Variants in ZC3H11A observed in about 807,000 individuals in gnomAD.
ZC3H11A encodes the protein zinc finger CCCH domain-containing protein 11A.
ZC3H11A carries 22 observed loss-of-function variants against 90.8 expected under a neutral mutation model. The ratio of observed to expected loss-of-function variants is 0.24; its 90% CI spans 0.17 to 0.35. ZC3H11A has a LOEUF of 0.35. ZC3H11A is among the 10% of genes least tolerant of loss of function. The probability of loss-of-function intolerance (pLI) is 1.00; values close to 1 mark genes in which losing one functional copy is unlikely to be tolerated. For missense variants in ZC3H11A, 701 were observed against 964.9 expected (o/e 0.73, Z 3.62); for synonymous variants, 294 against 339.8 (o/e 0.87, Z 1.48).
chr1:203,843,859 TTTC>T (rs1049246045), intron 12 of ZC3H11A, among the ~76,000 whole-genome samples: 1 of 152,108 alleles, frequency 6.6e-6, no homozygotes, highest in Non-Finnish European at 1.5e-5. Context: ...CGGCCTGGGA[TTTC>T]TTCTTTTTTT....
At chr1:203,799,795 T>C in intron 1 of ZC3H11A, 1 of 1,226,124 alleles carries the variant, frequency 8.2e-7, no homozygotes, top group Non-Finnish European at 1.2e-6. Flanking sequence ...CTAAGTGCCA[T>C]GCTTAAATCC....
At chr1:203,833,258 C>T (rs1380201054) in intron 9 of ZC3H11A, among the ~76,000 whole-genome samples, 1 of 151,628 alleles carries the variant, frequency 6.6e-6, no homozygotes, top group Non-Finnish European at 1.5e-5. Flanking sequence ...ATCCCAGCTA[C>T]TCAGGCTGAG....
At chr1:203,809,172 G>GTTTTTTT (rs33926996) in intron 2 of ZC3H11A, among the ~76,000 whole-genome samples, 33 of 83,254 alleles carry the variant, frequency 4.0e-4, no homozygotes, top group East Asian at 1.6e-3. Context: ...TCTTCTCACT[G>GTTTTTTT]TTTTTTTTTT....
chr1:203,840,561 A>G (rs1218609283), intron 12 of ZC3H11A, among the ~76,000 whole-genome samples, 187 bp downstream of exon 12: 3 of 151,970 alleles, frequency 2.0e-5, no homozygotes, highest in Non-Finnish European at 4.4e-5. Context: ...TTTTGTGCTT[A>G]GAGATGGTAA....
intron 9 of ZC3H11A, among the ~76,000 whole-genome samples, chr1:203,833,331 C>T (rs1683030958): frequency 6.9e-6 from 1 of 144,394 alleles, no homozygotes; most frequent in South Asian, 2.2e-4. Flanking sequence ...GGCCACTGCA[C>T]TCTAGCCTGG....
chr1:203,809,888 A>G (rs997249776), intron 2 of ZC3H11A, among the ~76,000 whole-genome samples: 1 of 152,140 alleles, frequency 6.6e-6, no homozygotes, highest in African/African-American at 2.4e-5. Flanking sequence ...CAGGAGGTGG[A>G]GGTTGCAGTA....
At chr1:203,808,362 T>C (rs71643053) in intron 2 of ZC3H11A, among the ~76,000 whole-genome samples, 5 of 152,228 alleles carry the variant, frequency 3.3e-5, no homozygotes, top group Non-Finnish European at 7.3e-5. Flanking sequence ...CCTGAAAGTT[T>C]GTATGATTTT....
At chr1:203,829,229 T>G in intron 5 of ZC3H11A, 1 of 581,496 alleles carries the variant, frequency 1.7e-6, no homozygotes, top group Non-Finnish European at 3.1e-6. Context: ...GATTCTGTTT[T>G]GAGTGCCCAC....
At chr1:203,799,710 T>A in intron 1 of ZC3H11A, 1 of 725,230 alleles carries the variant, frequency 1.4e-6, no homozygotes, top group South Asian at 1.5e-5. Flanking sequence ...CAGAGAAGAT[T>A]TTCAAGTCAG....
chr1:203,838,678 C>T (rs749027251), intron 11 of ZC3H11A, among the ~76,000 whole-genome samples: 7 of 152,210 alleles, frequency 4.6e-5, no homozygotes, highest in East Asian at 1.9e-4. Flanking sequence ...AGGCCGGGCA[C>T]GGTAGGTCAT....
At chr1:203,799,291 T>C (rs1451381743) in intron 1 of ZC3H11A, 2 of 723,776 alleles carry the variant, frequency 2.8e-6, no homozygotes, top group Non-Finnish European at 4.9e-6. Flanking sequence ...TGTTTAAATA[T>C]GGTCATTCAG....
In ZC3H11A at chr1:203,816,908, A is replaced by G. The variant is rs1676569055; in HGVS notation, c.-145-18A>G. 4 of 525,198 alleles carry G rather than the reference A, an allele frequency of 7.6e-6. No homozygotes were observed. In the South Asian group the frequency reaches 1.4e-4, roughly 18 times the overall value. The allele number at this position is 525,198 out of a possible 1,614,324, so 32.5% of individuals were successfully genotyped here. On this transcript the variant is annotated intron_variant, in intron 2 of 17. Coordinates refer to ENST00000367210, the MANE Select transcript of ZC3H11A (RefSeq NM_001376342.1). ...GAATTTACCTGAAATATTTTAATTC[A>G]TTGTCTCCTCATTTTAGGATTACAG...
chr1:203,801,753 C>T lies in ZC3H11A; in HGVS notation c.-1409C>T, dbSNP rs1216322319. ...CATAAGAATCAAAATTGCTTTGTTA[C>T]TGGGCTGGTTTCAAAGTTTAGAACT... On this transcript the variant is annotated 5_prime_UTR_variant, in exon 2 of 18. Coordinates refer to ENST00000367210, the MANE Select transcript of ZC3H11A (RefSeq NM_001376342.1). The T allele has an allele frequency of 2.0e-5, 3 of 151,750 alleles. No homozygotes were observed. Among genetic ancestry groups the T allele is most frequent in the Non-Finnish European group, 2.9e-5 (2 of 67,884 alleles). The allele number at this position is 151,750 out of a possible 1,614,324, so 9.4% of individuals were successfully genotyped here.
At chr1:203,833,733 G>A (rs1683264463) in intron 9 of ZC3H11A, 58 bp from the exon 10 acceptor site, 1 of 1,466,132 alleles carries the variant, frequency 6.8e-7, no homozygotes, top group Non-Finnish European at 9.3e-7. Flanking sequence ...CCCATTAGTA[G>A]TTACTGAATA....
chr1:203,838,858 C>G (rs1319348322), intron 11 of ZC3H11A, among the ~76,000 whole-genome samples: 1 of 148,138 alleles, frequency 6.8e-6, no homozygotes, highest in African/African-American at 2.5e-5. Flanking sequence ...GAGGCTGAGG[C>G]AGGAGAATTG....
intron 4 of ZC3H11A, among the ~76,000 whole-genome samples, chr1:203,825,628 G>A (rs1680290298): frequency 6.6e-6 from 1 of 151,964 alleles, no homozygotes; most frequent in South Asian, 2.1e-4. Flanking sequence ...TAGAGACGGG[G>A]TTTCACCATA....
At chr1:203,845,725 C>T (rs993575071) in intron 12 of ZC3H11A, among the ~76,000 whole-genome samples, 4 of 151,884 alleles carry the variant, frequency 2.6e-5, no homozygotes, top group African/African-American at 7.3e-5. Flanking sequence ...ATTAGCCAGG[C>T]GTGGTCGTGG....
intron 12 of ZC3H11A, among the ~76,000 whole-genome samples, chr1:203,844,305 G>C (rs953844650): frequency 6.6e-6 from 1 of 152,128 alleles, no homozygotes; most frequent in Non-Finnish European, 1.5e-5. Context: ...GGGATTACAG[G>C]CATGTGCAAT....
Position 203,851,069 on chromosome 1 carries a change from C to T in ZC3H11A, c.2119C>T (p.Leu707Phe), listed in dbSNP as rs1223382478. ...AKKAAVAVVPLVSEDKSVTVP... is the reference protein window; with the variant it reads ...AKKAAVAVVPFVSEDKSVTVP... ...CTTCCTTTTGTAGGCTGTTGTCCCG[C>T]TTGTCTCTGAGGACAAATCAGTCAC... Residue 707 changes from leucine to phenylalanine, a missense_variant, in exon 17 of 18, where the codon CTT (leucine) becomes TTT (phenylalanine). Leu to Phe is a conservative substitution (Grantham distance 22). Transcript: ENST00000367210. 1.2e-6 allele frequency: 2 copies of T among 1,614,072 alleles called. No individual in the cohort carries two copies. Among genetic ancestry groups the T allele is most frequent in the African/African-American group, 2.7e-5 (2 of 74,948 alleles).
Sources: allele counts gnomAD v4.1 joint callset (sites outside exome capture counted in the v4.1 genomes callset), GRCh38; gene constraint gnomAD v4.1.1; transcripts MANE v1.5; gene names NCBI Gene and HGNC (gene_info 2026-07-23, HGNC 2026-07-21).